Variants in RASA3 observed in about 807,000 individuals in gnomAD.
RASA3 encodes RAS p21 protein activator 3, also known as ras GTPase-activating protein 3.
In RASA3, 73 loss-of-function variants were observed where a neutral mutation model predicts 110.0. The ratio of observed to expected loss-of-function variants is 0.66; its 90% CI spans 0.55 to 0.81. The LOEUF is 0.81. Among genes scored for constraint, RASA3 ranks in the 30% least tolerant of loss-of-function variants. RASA3 has a pLI of 0.00. For synonymous variants in RASA3, 500 were observed against 451.4 expected (o/e 1.11, Z -1.37); for missense variants, 976 against 1,113.2 (o/e 0.88, Z 1.75).
intron 8 of RASA3, 34 bp downstream of exon 8, chr13:114,024,245 G>A (rs2053985564): frequency 2.5e-6 from 4 of 1,598,486 alleles, no homozygotes; most frequent in Middle Eastern, 1.7e-4. Context: ...GGTGAAAACT[G>A]CCAAGTTGGG....
chr13:114,074,945 C>T (rs138264582), intron 1 of RASA3, among the ~76,000 whole-genome samples: 46 of 152,370 alleles, frequency 3.0e-4, no homozygotes, highest in African/African-American at 8.2e-4. Context: ...TCAATCCAGA[C>T]AGCGGATGCC....
At chr13:114,099,609 C>A (rs1381069360) in intron 1 of RASA3, among the ~76,000 whole-genome samples, 1 of 133,558 alleles carries the variant, frequency 7.5e-6, no homozygotes, top group African/African-American at 2.8e-5. Flanking sequence ...GCCTGAGATG[C>A]AGCCCCCACA....
At chr13:114,131,466 T>TA (rs2080518586) in intron 1 of RASA3, among the ~76,000 whole-genome samples, 1 of 152,046 alleles carries the variant, frequency 6.6e-6, no homozygotes, top group African/African-American at 2.4e-5. Flanking sequence ...TCTCCCAAGA[T>TA]AAAACAACCA....
chr13:114,090,731 C>T (rs1019302232), intron 1 of RASA3, among the ~76,000 whole-genome samples: 1 of 152,218 alleles, frequency 6.6e-6, no homozygotes, highest in Admixed American at 6.5e-5. Flanking sequence ...GCAGTGAACA[C>T]GCAGACCCTT....
At position 114,017,343 on chromosome 13, in the gene RASA3, T is replaced by C. The variant is rs142357441; in HGVS notation, c.1100A>G (p.Asn367Ser). The change falls in exon 12 of 24, where the codon AAC (asparagine) becomes AGC (serine). Residue 367 changes from asparagine to serine, a missense_variant. This residue lies in a region of RASA3 where 732 missense variants were observed against 779.7 expected (regional missense o/e 0.94). Transcript: ENST00000334062. Reference sequence around the variant, plus strand: ...CAGTGAGTTTCCTCGGAAGATGGTGTTGGGGTCCCTGGGAAATGGCGATGG... The same window carrying C: ...CAGTGAGTTTCCTCGGAAGATGGTGCTGGGGTCCCTGGGAAATGGCGATGG... ...SAEVKRTQDP[N>S]TIFRGNSLAS... 14 of 1,613,560 alleles carry C rather than the reference T, an allele frequency of 8.7e-6. No individual in the cohort carries two copies. In the African/African-American group the frequency reaches 1.9e-4, roughly 22 times the overall value.
intron 1 of RASA3, among the ~76,000 whole-genome samples, chr13:114,099,013 C>A (rs2079985685): frequency 1.3e-5 from 1 of 75,058 alleles, no homozygotes; most frequent in East Asian, 3.5e-4. Flanking sequence ...GCCCCCCAGA[C>A]CACAGCAGTC....
At chr13:114,097,992 C>G (rs566678982) in intron 1 of RASA3, among the ~76,000 whole-genome samples, 1 of 152,138 alleles carries the variant, frequency 6.6e-6, no homozygotes, top group Admixed American at 6.5e-5. Flanking sequence ...CAAAGCGGGC[C>G]CAGATGGAGA....
chr13:114,110,804 C>G (rs1325163298), intron 1 of RASA3, among the ~76,000 whole-genome samples: 1 of 152,222 alleles, frequency 6.6e-6, no homozygotes, highest in African/African-American at 2.4e-5. Flanking sequence ...CATCCGGACA[C>G]CGGCAGGTTT....
At chr13:114,087,373 C>T (rs534676400) in intron 1 of RASA3, among the ~76,000 whole-genome samples, 1 of 152,352 alleles carries the variant, frequency 6.6e-6, no homozygotes, top group South Asian at 2.1e-4. Flanking sequence ...TCCCTTCGTC[C>T]TCAGCGTATG....
intron 1 of RASA3, among the ~76,000 whole-genome samples, chr13:114,128,037 G>A (rs549530612): frequency 6.6e-6 from 1 of 152,332 alleles, no homozygotes; most frequent in South Asian, 2.1e-4. Context: ...AGCCCCTGCT[G>A]TTTCCCAGGT....
chr13:114,005,678 C>T (rs531614331), intron 18 of RASA3, among the ~76,000 whole-genome samples: 4 of 152,282 alleles, frequency 2.6e-5, no homozygotes, highest in African/African-American at 4.8e-5. Flanking sequence ...AGGCTGCCCC[C>T]GACTAGGGAA....
At chr13:114,052,291 C>T (rs1226472596) in intron 2 of RASA3, 136 bp from the exon 3 acceptor site, 1 of 606,734 alleles carries the variant, frequency 1.6e-6, no homozygotes, top group Non-Finnish European at 3.0e-6. Flanking sequence ...GAGACATGAA[C>T]CTGCAGCTCC....
At chr13:114,012,026 C>T (rs1319912692) in intron 15 of RASA3, among the ~76,000 whole-genome samples, 1 of 152,090 alleles carries the variant, frequency 6.6e-6, no homozygotes, top group Non-Finnish European at 1.5e-5. Flanking sequence ...ACCCCAGATC[C>T]CTGTACCCTG....
intron 23 of RASA3, among the ~76,000 whole-genome samples, chr13:113,980,177 ACCT>A (rs1039904747): frequency 1.7e-5 from 2 of 118,382 alleles, no homozygotes; most frequent in Admixed American, 8.9e-5. Flanking sequence ...ACGTGTGTGC[ACCT>A]CCTCCCACGT....
chr13:113,980,280 C>T, intron 23 of RASA3, among the ~76,000 whole-genome samples: 1 of 147,686 alleles, frequency 6.8e-6, no homozygotes, highest in African/African-American at 2.6e-5. Context: ...CACCTCCTCC[C>T]ACGTGTGCAC....
At chr13:114,024,733 G>C (rs2053995987) in intron 7 of RASA3, among the ~76,000 whole-genome samples, 1 of 152,260 alleles carries the variant, frequency 6.6e-6, no homozygotes, top group Non-Finnish European at 1.5e-5. Flanking sequence ...GACGAAGCCA[G>C]CGCCGCCCTC....
chr13:114,016,131 G>T, intron 13 of RASA3, 66 bp downstream of exon 13: 1 of 1,408,648 alleles, frequency 7.1e-7, no homozygotes, highest in Non-Finnish European at 1.0e-6. Flanking sequence ...AGAGCTTCCA[G>T]GCAGCCATCG....
At chr13:114,089,762 G>A (rs527274888) in intron 1 of RASA3, among the ~76,000 whole-genome samples, 2 of 152,258 alleles carry the variant, frequency 1.3e-5, no homozygotes, top group East Asian at 1.9e-4. Flanking sequence ...TTGAGCAACC[G>A]TTATCACGAT....
intron 1 of RASA3, among the ~76,000 whole-genome samples, chr13:114,091,565 C>T (rs939922076): frequency 4.0e-5 from 6 of 150,874 alleles, no homozygotes; most frequent in Non-Finnish European, 8.8e-5. Flanking sequence ...TGAGTCCCAC[C>T]TGTCATGCTG....
Sources: allele counts gnomAD v4.1 joint callset (sites outside exome capture counted in the v4.1 genomes callset), GRCh38; gene constraint gnomAD v4.1.1; regional missense constraint gnomAD v4.1.1; transcripts MANE v1.5; gene names NCBI Gene and HGNC (gene_info 2026-07-23, HGNC 2026-07-21).